Variants in UBXN11 observed in about 807,000 individuals in gnomAD.
The protein encoded by UBXN11 is UBX domain-containing protein 11.
UBXN11 carries 47 observed loss-of-function variants against 62.8 expected under a neutral mutation model. The observed-to-expected ratio is 0.75, with a 90% CI of 0.59 to 0.95. The LOEUF (loss-of-function observed/expected upper bound fraction) is 0.95, where lower values mean the gene tolerates loss of function less well. UBXN11 is among the 40% of genes least tolerant of loss of function. UBXN11 has a pLI of 0.00. For synonymous variants in UBXN11, 294 were observed against 267.0 expected, an observed-to-expected ratio of 1.10 and a Z score of -0.99; for missense variants, 638 against 661.7, an observed-to-expected ratio of 0.96 and a Z score of 0.39.
intron 10 of UBXN11, chr1:26,284,754 A>AGGT (rs2073087228): frequency 8.1e-7 from 1 of 1,240,046 alleles, no homozygotes. Context: ...GCCTACCGTG[A>AGGT]AGGCAGAGTG....
At chr1:26,318,219 C>T (rs1034679287) in exon 1 of UBXN11, 3 of 673,188 alleles carry the variant, frequency 4.5e-6, no homozygotes, top group South Asian at 3.5e-5. Flanking sequence ...GGGGACACAG[C>T]GGGCCTGGCC....
chr1:26,314,489 T>C (rs1037835264), intron 1 of UBXN11, among the ~76,000 whole-genome samples: 2 of 152,230 alleles, frequency 1.3e-5, no homozygotes, highest in Admixed American at 1.3e-4. Context: ...ATAAAGGGCT[T>C]GCTTCTCTCA....
intron 1 of UBXN11, among the ~76,000 whole-genome samples, chr1:26,312,462 G>A (rs12131965): frequency 0.16 from 24,278 of 151,332 alleles, 2,037 homozygotes; most frequent in Middle Eastern, 0.21. Context: ...ATGTTGGCCA[G>A]GCTGGTTTCA....
chr1:26,299,628 C>T (rs1246723216), intron 4 of UBXN11, among the ~76,000 whole-genome samples: 2 of 151,710 alleles, frequency 1.3e-5, no homozygotes, highest in African/African-American at 4.8e-5. Flanking sequence ...TGCCTAAGAG[C>T]TTGGTGGAGG....
At chr1:26,296,892 G>T in intron 7 of UBXN11, 27 bp downstream of exon 7, 1 of 1,585,634 alleles carries the variant, frequency 6.3e-7, no homozygotes, top group Non-Finnish European at 8.6e-7. Context: ...CTGGCTGCCC[G>T]CATCCCCCGG....
intron 7 of UBXN11, 88 bp downstream of exon 7, chr1:26,296,831 G>A (rs1201541098): frequency 7.3e-7 from 1 of 1,375,124 alleles, no homozygotes; most frequent in Non-Finnish European, 1.0e-6. Flanking sequence ...GCCCAGAGAG[G>A]TGGGCTCGGA....
chr1:26,315,698 C>T (rs1284431715), intron 1 of UBXN11, among the ~76,000 whole-genome samples: 2 of 152,002 alleles, frequency 1.3e-5, no homozygotes, highest in Admixed American at 6.6e-5. Context: ...TTTCTCTTGT[C>T]GCTCAGGCTG....
chr1:26,287,213 G>A (rs12563057), intron 8 of UBXN11, among the ~76,000 whole-genome samples: 18,044 of 152,082 alleles, frequency 0.12, 2,063 homozygotes, highest in East Asian at 0.56. Context: ...ACAGCTGCTG[G>A]CCAGAACAGA....
chr1:26,312,586 C>T (rs182061853), intron 1 of UBXN11, among the ~76,000 whole-genome samples: 2 of 152,054 alleles, frequency 1.3e-5, no homozygotes, highest in East Asian at 3.9e-4. Context: ...TTGTGATTTT[C>T]GTATGGGTCT....
At chr1:26,284,575 G>T in intron 10 of UBXN11, 93 bp from the exon 11 acceptor site, 1 of 1,481,188 alleles carries the variant, frequency 6.8e-7, no homozygotes, top group Non-Finnish European at 9.0e-7. Flanking sequence ...CAGGCCAAGG[G>T]TATGGTCTAA....
At chr1:26,294,175 A>G in intron 8 of UBXN11, 30 bp downstream of exon 8, 1 of 1,611,816 alleles carries the variant, frequency 6.2e-7, no homozygotes, top group Non-Finnish European at 8.5e-7. Flanking sequence ...TTCCTTTTGA[A>G]GAGGGCCTGG....
chr1:26,295,897 G>A (rs1217946766), intron 7 of UBXN11, among the ~76,000 whole-genome samples: 1 of 152,264 alleles, frequency 6.6e-6, no homozygotes, highest in Admixed American at 6.5e-5. Context: ...AGTGATAACT[G>A]TGTGGCGGAG....
intron 2 of UBXN11, 91 bp from the exon 3 acceptor site, chr1:26,301,813 A>C (rs940853912): frequency 7.1e-6 from 11 of 1,545,122 alleles, no homozygotes; most frequent in African/African-American, 1.4e-5. Context: ...GACTTCAGCC[A>C]AAGCTCAAAG....
intron 9 of UBXN11, 58 bp from the exon 10 acceptor site, chr1:26,285,599 G>A: frequency 6.8e-7 from 1 of 1,480,974 alleles, no homozygotes; most frequent in Non-Finnish European, 9.1e-7. Context: ...ACCCTGCCCT[G>A]CCACTGGTCT....
In UBXN11 at chr1:26,318,151, C is replaced by T. The variant is rs933411620; in HGVS notation, c.-253G>A. 3 of 1,160,896 alleles carry T rather than the reference C, an allele frequency of 2.6e-6. No individual in the cohort carries two copies. The African/African-American group carries it at 4.6e-5, about 18-fold the overall frequency. 71.9% of individuals were successfully genotyped at this position (1,160,896 alleles called of 1,614,324 possible). On this transcript the variant is annotated 5_prime_UTR_variant, in exon 1 of 15. Transcript: ENST00000374217. Reference sequence around the variant, plus strand: ...AGGGAGGGCATACAGGATGTGAGCTCCCAGAGACCCAGCCTTCTCTCCTGA... The same window carrying T: ...AGGGAGGGCATACAGGATGTGAGCTTCCAGAGACCCAGCCTTCTCTCCTGA...
At chr1:26,284,669 G>A (rs2073084547) in intron 10 of UBXN11, 187 bp from the exon 11 acceptor site, 1 of 1,358,180 alleles carries the variant, frequency 7.4e-7, no homozygotes, top group Middle Eastern at 2.8e-4. Context: ...CAGCCCTGCT[G>A]CTCCTGTAAG....
At chr1:26,311,687 C>T (rs1456555112) in intron 1 of UBXN11, among the ~76,000 whole-genome samples, 2 of 152,148 alleles carry the variant, frequency 1.3e-5, no homozygotes, top group Non-Finnish European at 2.9e-5. Context: ...GTGATCCGCC[C>T]GCCTCGGCCT....
rs1226884634 is a variant in UBXN11 at position 26,294,349 on chromosome 1, G to A, written c.433-18C>T. On this transcript the variant is annotated intron_variant, in intron 7 of 14. Transcript: ENST00000374222. ...AGGAACCGCTGTGGGAAAGAAGGGG[G>A]AGATGCGGGGCACCGTCAGCTCAGC... is the stretch of plus-strand genomic sequence containing the variant. 6.7e-7 allele frequency: 1 copy of A among 1,494,172 alleles called. No homozygotes were observed. The highest frequency in any genetic ancestry group is 1.1e-5 in the South Asian group (1 of 88,990). The allele number at this position is 1,494,172 out of a possible 1,614,324, so 92.6% of individuals were successfully genotyped here.
At chr1:26,314,885 G>A (rs1054384219) in intron 1 of UBXN11, among the ~76,000 whole-genome samples, 2 of 152,116 alleles carry the variant, frequency 1.3e-5, no homozygotes, top group African/African-American at 4.8e-5. Context: ...AGAAGAGTTT[G>A]CAGTCTGGGC....
Sources: gnomAD v4.1 joint callset for allele counts (sites outside exome capture counted in the v4.1 genomes callset) on GRCh38, gnomAD v4.1.1 for gene constraint, MANE v1.5 for transcripts, NCBI Gene and HGNC (gene_info 2026-07-23, HGNC 2026-07-21) for gene names.